Variants in RNFT2 observed in about 807,000 individuals in gnomAD.
The protein encoded by RNFT2 is E3 ubiquitin-protein ligase RNFT2.
A neutral mutation model predicts 53.0 loss-of-function variants in RNFT2; 36 were observed. The ratio of observed to expected loss-of-function variants is 0.68; its 90% CI spans 0.52 to 0.90. The LOEUF is 0.90. Among genes scored for constraint, RNFT2 ranks in the 40% least tolerant of loss-of-function variants. The pLI is 0.00. For synonymous variants in RNFT2, 260 were observed against 253.2 expected (o/e 1.03, Z -0.26); for missense variants, 514 against 585.6 (o/e 0.88, Z 1.26).
intron 7 of RNFT2, among the ~76,000 whole-genome samples, chr12:116,783,746 C>T (rs891871523): frequency 2.0e-5 from 3 of 152,226 alleles, no homozygotes; most frequent in African/African-American, 7.2e-5. Context: ...CTCTCCACAG[C>T]CAGCCAGGTC....
Position 116,744,646 on chromosome 12 carries a change from T to G in RNFT2, c.83+3552T>G, listed in dbSNP as rs1592933758. On this transcript the variant is annotated intron_variant, in intron 3 of 10. Coordinates refer to ENST00000257575, the MANE Select transcript of RNFT2 (RefSeq NM_001382266.1). ...GAGCAGAACCACTTTTCCTCCTGGG[T>G]TGCCTCAAGCTCTGGCGCTTAAGTG... Among the ~76,000 whole-genome samples, 3 of 152,252 alleles carry G rather than the reference T, an allele frequency of 2.0e-5. 1 individual carries two copies. The highest frequency in any genetic ancestry group is 7.2e-5 in the African/African-American group (3 of 41,546).
chr12:116,810,212 C>CA (rs1875302814), intron 7 of RNFT2, among the ~76,000 whole-genome samples: 2 of 152,080 alleles, frequency 1.3e-5, no homozygotes, highest in Admixed American at 1.3e-4. Context: ...TCTGGGAAAA[C>CA]AGAGAATGGA....
chr12:116,849,243 TCTC>T (rs1239026527), intron 10 of RNFT2, 68 bp from the exon 11 acceptor site: 3 of 1,336,088 alleles, frequency 2.2e-6, no homozygotes, highest in East Asian at 5.1e-5. Flanking sequence ...CGCTGCCCCT[TCTC>T]CTGCTCCCGA....
At chr12:116,747,804 C>T (rs932757808) in intron 3 of RNFT2, among the ~76,000 whole-genome samples, 2 of 152,090 alleles carry the variant, frequency 1.3e-5, no homozygotes, top group Admixed American at 6.5e-5. Flanking sequence ...CTTTGTCCTC[C>T]TGCTCCCCAA....
chr12:116,841,568 T>G (rs1445258712), intron 10 of RNFT2, among the ~76,000 whole-genome samples: 2 of 149,618 alleles, frequency 1.3e-5, no homozygotes. Flanking sequence ...GCCAACATGG[T>G]GAAGCCCGGT....
chr12:116,751,727 TCTTA>T (rs1309819874), intron 4 of RNFT2, among the ~76,000 whole-genome samples: 2 of 151,692 alleles, frequency 1.3e-5, no homozygotes, highest in South Asian at 2.1e-4. Context: ...TTATTATTAA[TCTTA>T]CTTACTGTTT....
Position 116,750,309 on chromosome 12 carries a change from T to A in RNFT2, c.550+2T>A, listed in dbSNP as rs1304082769. On this transcript the variant is annotated splice_donor_variant, in intron 4 of 10. Transcript: ENST00000257575. LOFTEE classifies it high-confidence loss of function. ...AACTGTGCTTTCAGCATAAGCTCGG[T>A]GAGTTCTGGGGGCATGGGTGTCCTA... is the stretch of plus-strand genomic sequence containing the variant. 6.3e-7 allele frequency: 1 copy of A among 1,594,888 alleles called. No individual in the cohort carries two copies. Among genetic ancestry groups the A allele is most frequent in the Admixed American group, 1.7e-5 (1 of 59,116 alleles).
At chr12:116,819,076 GAC>G (rs1231056912) in intron 7 of RNFT2, among the ~76,000 whole-genome samples, 1 of 152,188 alleles carries the variant, frequency 6.6e-6, no homozygotes, top group Non-Finnish European at 1.5e-5. Flanking sequence ...TCGTCTGTAA[GAC>G]ACAGCTCCAC....
At chr12:116,823,632 C>T (rs1289188809) in intron 7 of RNFT2, among the ~76,000 whole-genome samples, 1 of 152,076 alleles carries the variant, frequency 6.6e-6, no homozygotes, top group East Asian at 1.9e-4. Context: ...TGCAGTGAGC[C>T]GAAATTGCAC....
intron 7 of RNFT2, among the ~76,000 whole-genome samples, chr12:116,796,081 G>A (rs1874493012): frequency 6.6e-6 from 1 of 151,688 alleles, no homozygotes; most frequent in Non-Finnish European, 1.5e-5. Context: ...GCTAACTTTT[G>A]TATTTTTAGT....
chr12:116,772,976 A>G lies in RNFT2; in HGVS notation c.728+6062A>G, dbSNP rs369732619. ...CTCAAGTAGCTAGGACTACAGACAC[A>G]TGCCACCACATCCAGCTAATTTTTG... On this transcript the variant is annotated intron_variant, in intron 6 of 10. Transcript: ENST00000257575. Among the ~76,000 whole-genome samples, 23 of 152,016 alleles carry G rather than the reference A, an allele frequency of 1.5e-4. No homozygotes were observed. The East Asian group carries it at 4.5e-3, about 30-fold the overall frequency.
At chr12:116,825,916 G>GA (rs886242495) in intron 7 of RNFT2, among the ~76,000 whole-genome samples, 32 of 151,814 alleles carry the variant, frequency 2.1e-4, no homozygotes, top group African/African-American at 7.2e-4. Context: ...CTCCACAGAT[G>GA]AAAAAATGTG....
intron 3 of RNFT2, 66 bp from the exon 4 acceptor site, chr12:116,749,775 C>T (rs1458292239): frequency 7.2e-7 from 1 of 1,388,998 alleles, no homozygotes; most frequent in South Asian, 1.3e-5. Context: ...AGTCCCCATC[C>T]TCCTCTGGAG....
chr12:116,775,780 C>T (rs1008631950), intron 6 of RNFT2, among the ~76,000 whole-genome samples: 3 of 152,232 alleles, frequency 2.0e-5, no homozygotes, highest in Non-Finnish European at 2.9e-5. Context: ...CAGTGGCTCA[C>T]GCCTGTATTC....
intron 7 of RNFT2, 71 bp from the exon 8 acceptor site, chr12:116,833,720 CG>C (rs1277031968): frequency 2.2e-5 from 33 of 1,511,224 alleles, no homozygotes; most frequent in Middle Eastern, 1.9e-4. Context: ...CTGCCCGGGG[CG>C]GGGGGCCCCC....
intron 7 of RNFT2, among the ~76,000 whole-genome samples, chr12:116,800,427 G>T (rs913941461): frequency 1.9e-4 from 28 of 150,758 alleles, no homozygotes; most frequent in African/African-American, 6.6e-4. Flanking sequence ...GAGGTCACGG[G>T]TTCAAGTCCA....
intron 7 of RNFT2, among the ~76,000 whole-genome samples, chr12:116,782,870 T>C (rs1236532977): frequency 6.6e-6 from 1 of 152,146 alleles, no homozygotes; most frequent in Non-Finnish European, 1.5e-5. Context: ...GACCACTCCT[T>C]GTTGGTTTCC....
At chr12:116,800,169 C>A (rs571349386) in intron 7 of RNFT2, among the ~76,000 whole-genome samples, 24 of 152,226 alleles carry the variant, frequency 1.6e-4, no homozygotes, top group African/African-American at 4.3e-4. Context: ...GTCTGCAGAA[C>A]CATGAGCCAA....
rs56185708 is a variant in RNFT2 at position 116,785,249 on chromosome 12, C to CTGTGTGTGTGTGTGTGTGTGTGTG, written c.882+5904_882+5927dup. ...TCATAGCATTTGTGATTACCTACTT[C>CTGTGTGTGTGTGTGTGTGTGTGTG]TGTGTGTGTGTGTGTGTGTGTGTGT... On this transcript the variant is annotated intron_variant, in intron 7 of 10. Coordinates refer to ENST00000257575, the MANE Select transcript of RNFT2 (RefSeq NM_001382266.1). Among the ~76,000 whole-genome samples the CTGTGTGTGTGTGTGTGTGTGTGTG allele has an allele frequency of 9.9e-3, 1,375 of 139,136 alleles. 20 individuals carry two copies. The highest frequency in any genetic ancestry group is 0.015 in the Non-Finnish European group (987 of 65,296). 91.3% of individuals were successfully genotyped at this position (139,136 alleles called of 152,430 possible).
Sources: gnomAD v4.1 joint callset for allele counts (sites outside exome capture counted in the v4.1 genomes callset) on GRCh38, gnomAD v4.1.1 for gene constraint, MANE v1.5 for transcripts, NCBI Gene and HGNC (gene_info 2026-07-23, HGNC 2026-07-21) for gene names.